Variants in PAPOLG observed in about 807,000 individuals in gnomAD.
PAPOLG encodes the protein PAP-gamma.
PAPOLG carries 40 observed loss-of-function variants against 99.0 expected under a neutral mutation model. The ratio of observed to expected loss-of-function variants is 0.40; its 90% CI spans 0.31 to 0.53. The LOEUF (loss-of-function observed/expected upper bound fraction) is 0.53. Among genes scored for constraint, PAPOLG ranks in the 20% least tolerant of loss-of-function variants. PAPOLG has a pLI of 0.41. For synonymous variants in PAPOLG, 310 were observed against 299.3 expected, an observed-to-expected ratio of 1.04 and a Z score of -0.37; for missense variants, 675 against 884.1, an observed-to-expected ratio of 0.76 and a Z score of 3.00.
At chr2:60,768,382 G>T in intron 3 of PAPOLG, 88 bp from the exon 4 acceptor site, 3 of 1,364,354 alleles carry the variant, frequency 2.2e-6, no homozygotes, top group Non-Finnish European at 2.1e-6. Context: ...GATTACAAGT[G>T]TGAGCCACCA....
intron 4 of PAPOLG, 97 bp from the exon 5 acceptor site, chr2:60,768,684 A>G (rs1670758802): frequency 9.6e-6 from 13 of 1,357,580 alleles, no homozygotes; most frequent in African/African-American, 1.5e-5. Flanking sequence ...TCTTGTACTC[A>G]ACTTCCATAC....
At chr2:60,768,206 A>AT (rs1240691561) in intron 3 of PAPOLG, among the ~76,000 whole-genome samples, 1 of 152,102 alleles carries the variant, frequency 6.6e-6, no homozygotes, top group Non-Finnish European at 1.5e-5. Context: ...GGTTCAAGTG[A>AT]TTCTCCTGCC....
At chr2:60,788,513 A>G (rs1481025853) in intron 15 of PAPOLG, among the ~76,000 whole-genome samples, 3 of 151,970 alleles carry the variant, frequency 2.0e-5, no homozygotes, top group Admixed American at 6.6e-5. Flanking sequence ...GTAGAGACGG[A>G]GTTTCACCAT....
intron 3 of PAPOLG, among the ~76,000 whole-genome samples, chr2:60,765,235 C>CTTTT (rs557009182): frequency 5.4e-4 from 65 of 119,848 alleles, no homozygotes; most frequent in African/African-American, 1.8e-3. Context: ...TGCCTAGCTA[C>CTTTT]TTTTTTTTTT....
intron 1 of PAPOLG, among the ~76,000 whole-genome samples, chr2:60,758,185 C>G (rs540278233): frequency 2.0e-5 from 3 of 152,160 alleles, no homozygotes; most frequent in African/African-American, 7.2e-5. Context: ...CAAACAATAC[C>G]AAAACACTGC....
chr2:60,775,227 G>T (rs900061338), intron 8 of PAPOLG, 104 bp downstream of exon 8: 1 of 1,326,150 alleles, frequency 7.5e-7, no homozygotes, highest in African/African-American at 1.5e-5. Context: ...TATTGTTGGA[G>T]GTTAAGGGCC....
In PAPOLG at chr2:60,756,481, GAA is replaced by G; in HGVS notation, c.5_6del (p.Lys2ArgfsTer24). On this transcript the variant is annotated frameshift_variant, in exon 1 of 22. Transcript: ENST00000238714. LOFTEE classifies it high-confidence loss of function. ...TGGAGAGGGAGACGCAGGAAGCGAT[GAA>G]AGAGATGTCTGCGTAAGTGGTGGGG... MKEMSANTVLDS... is the reference protein window; with the variant it reads MXEMSANTVLDS... The G allele has an allele frequency of 6.4e-7, 1 of 1,573,678 alleles. No homozygotes were observed. Among genetic ancestry groups the G allele is most frequent in the African/African-American group, 1.4e-5 (1 of 73,916 alleles).
intron 13 of PAPOLG, among the ~76,000 whole-genome samples, chr2:60,783,417 T>A (rs1671256964): frequency 6.9e-6 from 1 of 145,806 alleles, no homozygotes; most frequent in Non-Finnish European, 1.5e-5. Flanking sequence ...GTCAGGCTGA[T>A]CTCGAGCTCC....
chr2:60,758,916 G>A (rs1573213725), intron 1 of PAPOLG, among the ~76,000 whole-genome samples: 2 of 152,192 alleles, frequency 1.3e-5, no homozygotes, highest in African/African-American at 4.8e-5. Flanking sequence ...TACTCTTGGT[G>A]TTAATGGCCC....
At chr2:60,757,915 G>A (rs548824710) in intron 1 of PAPOLG, among the ~76,000 whole-genome samples, 103 of 152,272 alleles carry the variant, frequency 6.8e-4, no homozygotes, top group African/African-American at 1.7e-3. Context: ...GGCCAACTTT[G>A]TCAGCATACA....
intron 15 of PAPOLG, among the ~76,000 whole-genome samples, chr2:60,791,286 T>C (rs996188692): frequency 1.3e-5 from 2 of 151,716 alleles, no homozygotes; most frequent in African/African-American, 2.4e-5. Flanking sequence ...CACGGTGGCT[T>C]ACGCCTATAA....
chr2:60,763,207 G>T (rs1670574476), intron 3 of PAPOLG, among the ~76,000 whole-genome samples: 1 of 151,956 alleles, frequency 6.6e-6, no homozygotes, highest in Non-Finnish European at 1.5e-5. Context: ...CTCCTGAATA[G>T]CTGGAACTGT....
chr2:60,786,959 A>G lies in PAPOLG; in HGVS notation c.1179A>G (p.Val393=). 8 of 1,609,980 alleles carry G rather than the reference A, an allele frequency of 5.0e-6. No homozygotes were observed. Among genetic ancestry groups the G allele is most frequent in the East Asian group, 2.2e-5 (1 of 44,828 alleles). ...EENHLEWVGL[V]ESKIRVLVGN... is the part of the protein sequence containing the mutation. ...TTGTTTATTTTAGGGTTGGATTAGT[A>G]GAATCTAAAATCCGTGTACTTGTTG... The change falls in exon 14 of 22, where the codon GTA becomes GTG. Residue 393 remains valine (V), a synonymous_variant. Coordinates refer to ENST00000238714, the MANE Select transcript of PAPOLG (RefSeq NM_022894.4).
chr2:60,776,043 G>T (rs1343297865), intron 8 of PAPOLG, among the ~76,000 whole-genome samples: 1 of 152,086 alleles, frequency 6.6e-6, no homozygotes, highest in Admixed American at 6.6e-5. Context: ...GATTACAGGC[G>T]TGAGCCATCA....
chr2:60,787,390 C>A, intron 14 of PAPOLG, 121 bp from the exon 15 acceptor site: 1 of 1,265,408 alleles, frequency 7.9e-7, no homozygotes. Flanking sequence ...TCTGGCCAGA[C>A]CACTGAAATC....
chr2:60,798,056 A>G lies in PAPOLG; in HGVS notation c.*896A>G, dbSNP rs1671765394. 1 of 152,820 alleles carries G rather than the reference A, an allele frequency of 6.5e-6. No homozygotes were observed. The highest frequency in any genetic ancestry group is 1.5e-5 in the Non-Finnish European group (1 of 68,050). The allele number at this position is 152,820 out of a possible 1,614,324, so 9.5% of individuals were successfully genotyped here. A position where few individuals can be genotyped will look rare whatever the true frequency, so the allele number is the denominator to read the frequency against. ...CAATAAGATAACCTTTAAGTATGGCACACTTGTATTTTTGAGGTGTAAAAT... is the reference window on the plus strand; with the variant it reads ...CAATAAGATAACCTTTAAGTATGGCGCACTTGTATTTTTGAGGTGTAAAAT... On this transcript the variant is annotated 3_prime_UTR_variant, in exon 22 of 22. Coordinates refer to ENST00000238714, the MANE Select transcript of PAPOLG (RefSeq NM_022894.4).
At chr2:60,788,849 A>C (rs992224783) in intron 15 of PAPOLG, among the ~76,000 whole-genome samples, 6 of 151,964 alleles carry the variant, frequency 3.9e-5, no homozygotes, top group Non-Finnish European at 5.9e-5. Flanking sequence ...TACAAAAAAA[A>C]GTTTGCCAGG....
At chr2:60,786,370 A>G (rs1382032968) in intron 13 of PAPOLG, among the ~76,000 whole-genome samples, 1 of 151,380 alleles carries the variant, frequency 6.6e-6, no homozygotes, top group Non-Finnish European at 1.5e-5. Flanking sequence ...AGCTGGGAAT[A>G]TAGGTGTGCG....
chr2:60,774,291 G>T (rs180879157), intron 7 of PAPOLG, among the ~76,000 whole-genome samples: 1 of 151,590 alleles, frequency 6.6e-6, no homozygotes, highest in Non-Finnish European at 1.5e-5. Flanking sequence ...GGTGAAAAAA[G>T]CCTTAGTATT....
Sources: gnomAD v4.1 joint callset for allele counts (sites outside exome capture counted in the v4.1 genomes callset) on GRCh38, gnomAD v4.1.1 for gene constraint, MANE v1.5 for transcripts, NCBI Gene and HGNC (gene_info 2026-07-23, HGNC 2026-07-21) for gene names.